The following ETV1 variants were observed in gnomAD, a reference collection of about 807,000 sequenced individuals.
ETV1 encodes the protein ETS variant transcription factor 1, also known as ETS translocation variant 1.
A neutral mutation model predicts 62.3 loss-of-function variants in ETV1; 27 were observed. That is an observed-to-expected ratio of 0.43 (90% CI 0.32 to 0.60). ETV1 has a LOEUF of 0.60. ETV1 is among the 20% of genes least tolerant of loss of function. The probability of loss-of-function intolerance (pLI) is 0.06; values close to 1 mark genes in which losing one functional copy is unlikely to be tolerated. For synonymous variants in ETV1, 222 were observed against 199.6 expected, an observed-to-expected ratio of 1.11 and a Z score of -0.94; for missense variants, 605 against 605.8, an observed-to-expected ratio of 1.00 and a Z score of 0.01.
At position 13,986,455 on chromosome 7, in the gene ETV1, G is replaced by T. The variant is rs555909985; in HGVS notation, c.181+183C>A. 1.7e-4 allele frequency: 256 copies of T among 1,503,788 alleles called. 2 individuals are homozygous for T. In the South Asian group the frequency reaches 3.3e-3, roughly 19 times the overall value. 93.2% of individuals were successfully genotyped at this position (1,503,788 alleles called of 1,614,324 possible). ...TCCTGGTAATTTGTGATGACACTGG[G>T]TAGTACAGCCCCAGAGTCCCCAAAG... On this transcript the variant is annotated intron_variant, in intron 5 of 13. Transcript: ENST00000430479.
intron 6 of ETV1, among the ~76,000 whole-genome samples, chr7:13,966,848 A>G (rs1319699468): frequency 1.3e-5 from 2 of 152,196 alleles, no homozygotes; most frequent in African/African-American, 4.8e-5. Context: ...CATAAGCTCC[A>G]TGATAGCAGA....
At chr7:13,942,047 G>A (rs1469883626) in intron 6 of ETV1, among the ~76,000 whole-genome samples, 6 of 134,340 alleles carry the variant, frequency 4.5e-5, no homozygotes, top group Non-Finnish European at 6.2e-5. Flanking sequence ...TTTTTGAGAC[G>A]GAGTCTCACT....
At chr7:13,916,260 G>T (rs893947640) in intron 9 of ETV1, among the ~76,000 whole-genome samples, 1 of 152,150 alleles carries the variant, frequency 6.6e-6, no homozygotes, top group Admixed American at 6.5e-5. Context: ...ATCTACTATT[G>T]ATTGAGTATG....
At chr7:13,896,681 AAGAAAGAAAAGAGAGAG>A (rs1781812191) in intron 13 of ETV1, among the ~76,000 whole-genome samples, 1 of 146,066 alleles carries the variant, frequency 6.8e-6, no homozygotes. Flanking sequence ...GAAATAAAGA[AAGAAAGAAAAGAGAGAG>A]AGAAAGAAAG....
chr7:13,904,242 A>G (rs1782727411), intron 12 of ETV1, among the ~76,000 whole-genome samples: 1 of 152,258 alleles, frequency 6.6e-6, no homozygotes, highest in Non-Finnish European at 1.5e-5. Context: ...CTTAGGAGAC[A>G]TTCAGTGCTT....
chr7:13,910,474 CTT>C (rs1783452321), intron 10 of ETV1: 2 of 482,742 alleles, frequency 4.1e-6, no homozygotes, highest in African/African-American at 4.2e-5. Context: ...TTGTGCAAAA[CTT>C]TTAATTTCAA....
At chr7:13,957,155 A>G (rs1269341637) in intron 6 of ETV1, among the ~76,000 whole-genome samples, 1 of 151,858 alleles carries the variant, frequency 6.6e-6, no homozygotes, top group Non-Finnish European at 1.5e-5. Context: ...GCGCGATCTC[A>G]GCTCACTCCA....
chr7:13,970,125 G>A (rs1780725664), intron 6 of ETV1, among the ~76,000 whole-genome samples: 1 of 152,002 alleles, frequency 6.6e-6, no homozygotes, highest in African/African-American at 2.4e-5. Flanking sequence ...GCCTGGCGTG[G>A]TGGCGGGCGC....
At chr7:13,925,097 A>C (rs371492626) in intron 9 of ETV1, among the ~76,000 whole-genome samples, 3 of 152,184 alleles carry the variant, frequency 2.0e-5, no homozygotes, top group South Asian at 2.1e-4. Flanking sequence ...CTAAGCTCAA[A>C]GTATGCAGCA....
intron 6 of ETV1, among the ~76,000 whole-genome samples, chr7:13,944,322 A>G (rs564829524): frequency 6.6e-6 from 1 of 152,340 alleles, no homozygotes; most frequent in African/African-American, 2.4e-5. Context: ...TCAAGTCACC[A>G]GCAGATTAAG....
intron 9 of ETV1, among the ~76,000 whole-genome samples, chr7:13,917,719 C>T (rs1326989009): frequency 6.6e-6 from 1 of 151,780 alleles, no homozygotes; most frequent in African/African-American, 2.4e-5. Flanking sequence ...AATCCCAGAA[C>T]TTTGGGAGGC....
chr7:13,984,608 CTTAAA>C (rs1431021139), intron 5 of ETV1, among the ~76,000 whole-genome samples: 1 of 151,926 alleles, frequency 6.6e-6, no homozygotes, highest in African/African-American at 2.4e-5. Flanking sequence ...TTTGAAAACG[CTTAAA>C]TTATTCTAAA....
At chr7:13,961,245 G>C (rs1041633947) in intron 6 of ETV1, among the ~76,000 whole-genome samples, 2 of 152,140 alleles carry the variant, frequency 1.3e-5, no homozygotes, top group African/African-American at 2.4e-5. Flanking sequence ...ATCTGGTCCT[G>C]TAGAAGCCCA....
At chr7:13,919,792 A>G (rs1784619196) in intron 9 of ETV1, among the ~76,000 whole-genome samples, 1 of 152,114 alleles carries the variant, frequency 6.6e-6, no homozygotes, top group African/African-American at 2.4e-5. Context: ...AAACCTAAAA[A>G]CAGATACTTA....
chr7:13,945,884 C>T lies in ETV1; in HGVS notation c.236-6638G>A, dbSNP rs1020141496. On this transcript the variant is annotated intron_variant, in intron 6 of 13. Coordinates refer to ENST00000430479, the MANE Select transcript of ETV1 (RefSeq NM_004956.5). Reference sequence around the variant, plus strand: ...AAAGGCTGTTAAGTACTAAATTATTCCTTATCAAATCACCATCATCTGGAG... The same window carrying T: ...AAAGGCTGTTAAGTACTAAATTATTTCTTATCAAATCACCATCATCTGGAG... Among the ~76,000 whole-genome samples the T allele has an allele frequency of 2.0e-5, 3 of 152,166 alleles. 1 individual carries two copies. Among genetic ancestry groups the T allele is most frequent in the Non-Finnish European group, 4.4e-5 (3 of 68,032 alleles).
intron 6 of ETV1, among the ~76,000 whole-genome samples, chr7:13,942,055 A>T (rs1178188556): frequency 8.6e-6 from 1 of 116,518 alleles, no homozygotes. Flanking sequence ...ACGGAGTCTC[A>T]CTCTTTCGCC....
At chr7:13,936,322 A>C (rs1786802411) in intron 7 of ETV1, among the ~76,000 whole-genome samples, 1 of 152,204 alleles carries the variant, frequency 6.6e-6, no homozygotes, top group African/African-American at 2.4e-5. Flanking sequence ...AACTAACATC[A>C]GCTTAATAAG....
chr7:13,929,124 A>C (rs1408103987), intron 9 of ETV1, among the ~76,000 whole-genome samples: 1 of 152,230 alleles, frequency 6.6e-6, no homozygotes, highest in Non-Finnish European at 1.5e-5. Context: ...TTTGGGGAAT[A>C]AGGATAATAT....
At chr7:13,989,827 C>T (rs1017061252), upstream of ETV1, 23 of 381,396 alleles carry the variant, frequency 6.0e-5, no homozygotes, top group Non-Finnish European at 1.0e-4. Context: ...GGGTCTCCCT[C>T]GCCCCTCTGC....
Sources: allele counts gnomAD v4.1 joint callset (sites outside exome capture counted in the v4.1 genomes callset), GRCh38; gene constraint gnomAD v4.1.1; transcripts MANE v1.5; gene names NCBI Gene and HGNC (gene_info 2026-07-23, HGNC 2026-07-21).